The following GSE1 variants were observed in gnomAD, a reference collection of about 807,000 sequenced individuals.
The protein encoded by GSE1 is genetic suppressor element 1.
GSE1 carries 32 observed loss-of-function variants against 112.6 expected under a neutral mutation model. That is an observed-to-expected ratio of 0.28 (90% confidence interval 0.21 to 0.38). GSE1 has a LOEUF of 0.38. Ranked by LOEUF, GSE1 falls within the 10% of genes least tolerant of loss-of-function variation. GSE1 has a pLI of 1.00. For missense variants in GSE1, 2,348 were observed against 1,699.2 expected (o/e 1.38, Z -6.71); for synonymous variants, 1,115 against 735.6 (o/e 1.52, Z -8.35).
chr16:85,476,839 C>T (rs1282727924), intron 2 of GSE1, among the ~76,000 whole-genome samples: 1 of 150,980 alleles, frequency 6.6e-6, no homozygotes, highest in African/African-American at 2.4e-5. Flanking sequence ...CCTTGAACTC[C>T]TGGGCTCAAG....
At chr16:85,548,734 A>G (rs985870484) in intron 2 of GSE1, among the ~76,000 whole-genome samples, 4 of 152,178 alleles carry the variant, frequency 2.6e-5, no homozygotes, top group African/African-American at 9.7e-5. Context: ...CTCTTGTTAT[A>G]AAGACCCTTG....
chr16:85,205,897 C>T (rs762142687), intron 1 of GSE1, among the ~76,000 whole-genome samples: 1 of 152,220 alleles, frequency 6.6e-6, no homozygotes, highest in Non-Finnish European at 1.5e-5. Context: ...TTACTGAGTG[C>T]CGTCACGTGC....
chr16:85,670,634 A>C (rs1292332385), intron 14 of GSE1: 1 of 157,542 alleles, frequency 6.3e-6, no homozygotes, highest in African/African-American at 2.4e-5. Flanking sequence ...TTTATTAATT[A>C]AATCTGTGCT....
chr16:85,478,877 TTCTTTCTTTCTTTCTTTC>T (rs1567520394), intron 2 of GSE1, among the ~76,000 whole-genome samples: 1 of 56,328 alleles, frequency 1.8e-5, no homozygotes, highest in Non-Finnish European at 3.0e-5. Context: ...CTTTCTTTCT[TTCTTTCTTTCTTTCTTTC>T]TTTCTTTCTT....
intron 1 of GSE1, among the ~76,000 whole-genome samples, chr16:85,247,566 T>C (rs1212298044): frequency 6.6e-6 from 1 of 152,218 alleles, no homozygotes; most frequent in African/African-American, 2.4e-5. Flanking sequence ...TTCTCTCTCC[T>C]AAGCCTGGCT....
At chr16:85,222,485 A>G (rs2075411044) in intron 1 of GSE1, among the ~76,000 whole-genome samples, 1 of 152,184 alleles carries the variant, frequency 6.6e-6, no homozygotes, top group African/African-American at 2.4e-5. Context: ...GACGTGCCTG[A>G]CGGTTCACAC....
intron 1 of GSE1, among the ~76,000 whole-genome samples, chr16:85,257,670 A>C (rs2144078853): frequency 6.6e-6 from 1 of 152,318 alleles, no homozygotes; most frequent in African/African-American, 2.4e-5. Flanking sequence ...AATTGGCAGG[A>C]CGTGGTGGTG....
Position 85,518,194 on chromosome 16 carries a change from A to G in GSE1, c.2465-115720A>G, listed in dbSNP as rs192871195. On this transcript the variant is annotated intron_variant, in intron 2 of 2. Coordinates refer to the GSE1 transcript ENST00000637419. ...CATCTGTGCCTGCAGGCCCAGATCCAGTGACGCCTTGGTGGGGGGCTTTGG... is the reference window on the plus strand; with the variant it reads ...CATCTGTGCCTGCAGGCCCAGATCCGGTGACGCCTTGGTGGGGGGCTTTGG... 2.7e-3 allele frequency among the ~76,000 whole-genome samples: 418 copies of G among 152,322 alleles called. 2 individuals carry two copies. The highest frequency in any genetic ancestry group is 1.8e-3 in the Admixed American group (27 of 15,304).
intron 2 of GSE1, among the ~76,000 whole-genome samples, chr16:85,432,881 T>G (rs1252078369): frequency 1.2e-4 from 19 of 152,048 alleles, no homozygotes; most frequent in Admixed American, 1.2e-3. Context: ...CCCGGCACTC[T>G]CTGCAGCTCT....
At chr16:85,613,278 C>A (rs1011751375), upstream of GSE1, 10 of 1,536,350 alleles carry the variant, frequency 6.5e-6, no homozygotes, top group Non-Finnish European at 8.8e-6. Flanking sequence ...ACCTCCCCAG[C>A]GGGCCCGAGC....
Position 85,169,983 on chromosome 16 carries a change from G to GGAC in GSE1, c.464_466dup (p.Asp155dup), listed in dbSNP as rs1292355644. The GGAC allele has an allele frequency of 3.0e-6, 3 of 984,558 alleles. No individual in the cohort carries two copies. In the African/African-American group the frequency reaches 5.2e-5, roughly 17 times the overall value. The allele number at this position is 984,558 out of a possible 1,614,324, so 61.0% of individuals were successfully genotyped here. On this transcript the variant is annotated inframe_insertion, in exon 1 of 3. Transcript: ENST00000637419. ...GCAGCGCCACCGGCGACGACGACGA[G>GGAC]GACGACGGTGGCGGCCCCCGGCTGC...
chr16:85,332,391 C>G (rs2046394594), intron 1 of GSE1, among the ~76,000 whole-genome samples: 1 of 152,204 alleles, frequency 6.6e-6, no homozygotes, highest in African/African-American at 2.4e-5. Context: ...GTCCTTAACT[C>G]ACTGAATCCT....
rs765304386 is a variant in GSE1, at chr16:85,661,780, G to A, written c.2260+15G>A. On this transcript the variant is annotated intron_variant, in intron 9 of 15. Coordinates refer to ENST00000253458, the MANE Select transcript of GSE1 (RefSeq NM_014615.5). ...CCAGGAGAAAGGTCTGCCTCCCCGC[G>A]GGCCCCGAGCTGCTCAGGGAGAGCC... is the stretch of plus-strand genomic sequence containing the variant. 2.2e-4 allele frequency: 324 copies of A among 1,491,742 alleles called. No homozygotes were observed. The highest frequency in any genetic ancestry group is 1.0e-3 in the Admixed American group (48 of 45,876). 92.4% of individuals were successfully genotyped at this position (1,491,742 alleles called of 1,614,324 possible).
At chr16:85,561,413 G>A (rs781050154) in intron 1 of GSE1, among the ~76,000 whole-genome samples, 2 of 151,930 alleles carry the variant, frequency 1.3e-5, no homozygotes, top group African/African-American at 2.4e-5. Context: ...TGGCAGCGGC[G>A]CCCTCCGAGC....
chr16:85,362,488 C>T (rs578027949), intron 2 of GSE1, among the ~76,000 whole-genome samples: 99 of 152,358 alleles, frequency 6.5e-4, no homozygotes, highest in African/African-American at 2.3e-3. Context: ...AGCATTACTA[C>T]TTCCCGGCCA....
chr16:85,282,279 G>T (rs2044879710), intron 1 of GSE1, among the ~76,000 whole-genome samples: 1 of 152,192 alleles, frequency 6.6e-6, no homozygotes, highest in Non-Finnish European at 1.5e-5. Flanking sequence ...AGCCGCCTCG[G>T]TCTCCCAAAG....
intron 2 of GSE1, among the ~76,000 whole-genome samples, chr16:85,415,201 G>A (rs2048675855): frequency 6.6e-6 from 1 of 152,188 alleles, no homozygotes; most frequent in Admixed American, 6.5e-5. Flanking sequence ...TGGCCTCTCA[G>A]AGTACTTGGA....
intron 1 of GSE1, among the ~76,000 whole-genome samples, chr16:85,348,469 C>T (rs1032560583): frequency 2.6e-5 from 4 of 152,208 alleles, no homozygotes; most frequent in Admixed American, 1.3e-4. Context: ...CCTTCACTCC[C>T]GCCCAGGTCC....
At chr16:85,646,224 C>T (rs1437554588) in intron 2 of GSE1, among the ~76,000 whole-genome samples, 1 of 145,416 alleles carries the variant, frequency 6.9e-6, no homozygotes, top group Non-Finnish European at 1.5e-5. Flanking sequence ...CTACCTGCTT[C>T]TACCACGCAT....
Sources: gnomAD v4.1 joint callset for allele counts (sites outside exome capture counted in the v4.1 genomes callset) on GRCh38, gnomAD v4.1.1 for gene constraint, MANE v1.5 for transcripts, NCBI Gene and HGNC (gene_info 2026-07-23, HGNC 2026-07-21) for gene names.